Variants in DLGAP2 observed in about 807,000 individuals in gnomAD.
DLGAP2 encodes the protein DLG associated protein 2, also known as disks large-associated protein 2.
In DLGAP2, 26 loss-of-function variants were observed where a neutral mutation model predicts 100.3. The ratio of observed to expected loss-of-function variants is 0.26; its 90% CI spans 0.19 to 0.36. The LOEUF (loss-of-function observed/expected upper bound fraction) is 0.36, where lower values mean the gene tolerates loss of function less well. Ranked by LOEUF, DLGAP2 falls within the 10% of genes least tolerant of loss-of-function variation. The probability of loss-of-function intolerance (pLI) is 1.00; values close to 1 mark genes in which losing one functional copy is unlikely to be tolerated. For missense variants in DLGAP2, 1,858 were observed against 1,453.2 expected, an observed-to-expected ratio of 1.28 and a Z score of -4.53; for synonymous variants, 886 against 630.1, an observed-to-expected ratio of 1.41 and a Z score of -6.08.
At chr8:1,150,631 C>CA (rs1258074763) in intron 2 of DLGAP2, among the ~76,000 whole-genome samples, 3 of 152,132 alleles carry the variant, frequency 2.0e-5, no homozygotes, top group African/African-American at 7.2e-5. Flanking sequence ...GTGTCCATGC[C>CA]CTGTTGACAG....
At chr8:1,103,284 C>T (rs928492588) in intron 2 of DLGAP2, among the ~76,000 whole-genome samples, 24 of 152,358 alleles carry the variant, frequency 1.6e-4, no homozygotes, top group Non-Finnish European at 3.1e-4. Context: ...ACCCACCATG[C>T]TGAAACTTTC....
At chr8:827,211 A>G (rs1476610076) in intron 1 of DLGAP2, among the ~76,000 whole-genome samples, 1 of 152,180 alleles carries the variant, frequency 6.6e-6, no homozygotes, top group Non-Finnish European at 1.5e-5. Flanking sequence ...AAAAGGCTTC[A>G]TTTGTATTAC....
chr8:1,442,069 C>G lies in DLGAP2; in HGVS notation c.107-59297C>G, dbSNP rs1444348374. 2.6e-5 allele frequency among the ~76,000 whole-genome samples: 4 copies of G among 152,336 alleles called. No individual in the cohort carries two copies. In the East Asian group the frequency reaches 5.8e-4, roughly 22 times the overall value. ...CAGACCCAGAGGGCACCTTACTAAACTCAGGAGCAACAGAGTGAGCATGTG... is the reference window on the plus strand; with the variant it reads ...CAGACCCAGAGGGCACCTTACTAAAGTCAGGAGCAACAGAGTGAGCATGTG... On this transcript the variant is annotated intron_variant, in intron 3 of 14. Coordinates refer to ENST00000637795, the MANE Select transcript of DLGAP2 (RefSeq NM_001346810.2).
intron 3 of DLGAP2, among the ~76,000 whole-genome samples, chr8:1,383,237 C>T (rs761113903): frequency 9.9e-5 from 15 of 152,118 alleles, no homozygotes; most frequent in Non-Finnish European, 1.5e-4. Context: ...AATAATTACA[C>T]GCTTTCTGGA....
chr8:1,408,256 G>A lies in DLGAP2; in HGVS notation c.107-93110G>A, dbSNP rs534754030. Among the ~76,000 whole-genome samples the A allele has an allele frequency of 7.9e-5, 12 of 152,258 alleles. No homozygotes were observed. In the South Asian group the frequency reaches 8.3e-4, roughly 11 times the overall value. ...GTCCAACTCATTCTCCACTTTCCGC[G>A]ATGCCATTTCAGTTTCCCCTCTTGC... On this transcript the variant is annotated intron_variant, in intron 3 of 14. Transcript: ENST00000637795.
intron 2 of DLGAP2, among the ~76,000 whole-genome samples, chr8:1,164,394 G>GC (rs1222741475): frequency 6.6e-6 from 1 of 151,952 alleles, no homozygotes; most frequent in Non-Finnish European, 1.5e-5. Flanking sequence ...GCCTCCCAGG[G>GC]CCCGTCGTTT....
intron 3 of DLGAP2, among the ~76,000 whole-genome samples, chr8:1,342,527 C>CA (rs1801440132): frequency 6.6e-3 from 1 of 152 alleles, no homozygotes. Flanking sequence ...GTGGGCCGTG[C>CA]GGCTCAGTCG....
intron 1 of DLGAP2, among the ~76,000 whole-genome samples, chr8:853,617 T>C (rs1026698830): frequency 5.9e-5 from 9 of 152,108 alleles, no homozygotes; most frequent in African/African-American, 1.9e-4. Flanking sequence ...TTCTCAGATA[T>C]AGCCCAGGGC....
intron 7 of DLGAP2, among the ~76,000 whole-genome samples, chr8:1,631,731 G>A (rs1276882809): frequency 1.3e-5 from 2 of 152,196 alleles, no homozygotes; most frequent in East Asian, 3.9e-4. Flanking sequence ...GCCTCTCCAG[G>A]GTCCATGCTG....
intron 3 of DLGAP2, among the ~76,000 whole-genome samples, chr8:1,361,982 C>A (rs1378411239): frequency 6.6e-6 from 1 of 152,184 alleles, no homozygotes; most frequent in Non-Finnish European, 1.5e-5. Context: ...CTCTCTGGCA[C>A]CTCCTGGCTG....
chr8:1,525,834 C>G (rs1376939103), intron 4 of DLGAP2, among the ~76,000 whole-genome samples: 1 of 152,172 alleles, frequency 6.6e-6, no homozygotes, highest in Non-Finnish European at 1.5e-5. Flanking sequence ...ATGTCTTGGC[C>G]TCATCTCCTG....
chr8:1,444,964 G>T lies in DLGAP2; in HGVS notation c.107-56402G>T, dbSNP rs375509893. Reference sequence around the variant, plus strand: ...TTTTTGTATTTTTAGTAGAGACAGGGTTTCACCGTGTTAGCCAGGATGATC... The same window carrying T: ...TTTTTGTATTTTTAGTAGAGACAGGTTTTCACCGTGTTAGCCAGGATGATC... On this transcript the variant is annotated intron_variant, in intron 3 of 14. Transcript: ENST00000637795. Among the ~76,000 whole-genome samples the T allele has an allele frequency of 1.1e-3, 162 of 151,218 alleles. 1 individual carries two copies. Among genetic ancestry groups the T allele is most frequent in the African/African-American group, 3.7e-3 (151 of 41,196 alleles).
At position 1,549,257 on chromosome 8, in the gene DLGAP2, C is replaced by T. The variant is rs537073910; in HGVS notation, c.804C>T (p.His268=). 3.7e-6 allele frequency: 6 copies of T among 1,610,160 alleles called. No individual in the cohort carries two copies. Among genetic ancestry groups the T allele is most frequent in the South Asian group, 3.3e-5 (3 of 90,880 alleles). Residue 268 remains histidine, a synonymous_variant, in exon 5 of 15, where the codon CAC becomes CAT. Coordinates refer to ENST00000637795, the MANE Select transcript of DLGAP2 (RefSeq NM_001346810.2). The part of the protein sequence containing the change: ...KADGRADDHH[H]AHHAKHSKRS... ...ACGGCCGGGCGGACGACCACCACCA[C>T]GCCCACCACGCCAAGCACAGCAAGA...
intron 1 of DLGAP2, among the ~76,000 whole-genome samples, chr8:780,748 G>T (rs943578379): frequency 6.6e-6 from 1 of 152,186 alleles, no homozygotes. Context: ...AACCAGAGTC[G>T]CCGTGTCTGG....
chr8:1,194,955 T>C (rs1247079566), intron 2 of DLGAP2, among the ~76,000 whole-genome samples: 1 of 152,240 alleles, frequency 6.6e-6, no homozygotes, highest in Non-Finnish European at 1.5e-5. Flanking sequence ...GTCAGGGCTG[T>C]CCCAGCATAG....
At chr8:773,540 T>C (rs932685345) in intron 1 of DLGAP2, among the ~76,000 whole-genome samples, 5 of 137,584 alleles carry the variant, frequency 3.6e-5, no homozygotes, top group Admixed American at 7.9e-5. Context: ...ATATTCCCCT[T>C]CCTGTGTCCA....
chr8:773,983 A>T (rs895424603), intron 1 of DLGAP2, among the ~76,000 whole-genome samples: 1 of 152,086 alleles, frequency 6.6e-6, no homozygotes, highest in Non-Finnish European at 1.5e-5. Context: ...AAGTGTTCCT[A>T]TTTCTCCACA....
intron 2 of DLGAP2, among the ~76,000 whole-genome samples, chr8:1,006,913 C>T (rs879594610): frequency 5.5e-4 from 80 of 146,682 alleles, no homozygotes; most frequent in African/African-American, 1.8e-3. Context: ...ACGTCGGGGG[C>T]GCCCTGCGTC....
chr8:964,469 G>A (rs73673036), intron 2 of DLGAP2, among the ~76,000 whole-genome samples: 2,210 of 152,358 alleles, frequency 0.015, 51 homozygotes, highest in African/African-American at 0.05. Context: ...AAAGCCTATC[G>A]TAAGTCAAGA....
Sources: allele counts gnomAD v4.1 joint callset (sites outside exome capture counted in the v4.1 genomes callset), GRCh38; gene constraint gnomAD v4.1.1; transcripts MANE v1.5; gene names NCBI Gene and HGNC (gene_info 2026-07-23, HGNC 2026-07-21).